Variants in SLCO1B1 observed in about 807,000 individuals in gnomAD.
The protein encoded by SLCO1B1 is solute carrier organic anion transporter family member 1B1, also known as OATP-2.
Under a neutral mutation model 70.1 loss-of-function variants are expected in SLCO1B1, and 81 were observed. The ratio of observed to expected loss-of-function variants is 1.16; its 90% CI spans 0.97 to 1.39. The LOEUF (loss-of-function observed/expected upper bound fraction) is 1.39. Ranked by LOEUF, SLCO1B1 falls within the 40% of genes most tolerant of loss-of-function variation. SLCO1B1 has a pLI of 0.00. For synonymous variants in SLCO1B1, 283 were observed against 271.5 expected (o/e 1.04, Z -0.42); for missense variants, 895 against 799.6 (o/e 1.12, Z -1.44).
chr12:21,146,764 T>G (rs1013240128), intron 2 of SLCO1B1, among the ~76,000 whole-genome samples: 1 of 152,326 alleles, frequency 6.6e-6, no homozygotes. Context: ...TTCTGTTATA[T>G]TCTAGCTTAA....
chr12:21,207,091 T>A (rs537796302), intron 11 of SLCO1B1, among the ~76,000 whole-genome samples: 42 of 152,132 alleles, frequency 2.8e-4, no homozygotes, highest in African/African-American at 9.9e-4. Flanking sequence ...TGCAGTTGTT[T>A]CCTTTTCCTT....
intron 2 of SLCO1B1, among the ~76,000 whole-genome samples, chr12:21,157,372 G>C (rs2121070946): frequency 6.6e-6 from 1 of 152,058 alleles, no homozygotes; most frequent in South Asian, 2.1e-4. Flanking sequence ...GAAATAAAGA[G>C]AGCCTACTCT....
chr12:21,187,200 A>C (rs1436174364), intron 7 of SLCO1B1, among the ~76,000 whole-genome samples: 1 of 152,136 alleles, frequency 6.6e-6, no homozygotes, highest in African/African-American at 2.4e-5. Flanking sequence ...TTCTGTACAA[A>C]TAAGGTCAGG....
At chr12:21,178,303 C>T (rs113068377) in intron 5 of SLCO1B1, among the ~76,000 whole-genome samples, 75 of 152,188 alleles carry the variant, frequency 4.9e-4, no homozygotes, top group Non-Finnish European at 8.2e-4. Flanking sequence ...CTTCATCTTC[C>T]GCCATGATTG....
chr12:21,199,156 A>G (rs2121143625), intron 8 of SLCO1B1, among the ~76,000 whole-genome samples: 1 of 152,142 alleles, frequency 6.6e-6, no homozygotes, highest in South Asian at 2.1e-4. Flanking sequence ...ACTGTTTCGT[A>G]GCTGACATTA....
intron 2 of SLCO1B1, among the ~76,000 whole-genome samples, chr12:21,155,118 CTT>C (rs1409300400): frequency 1.3e-5 from 2 of 150,974 alleles, no homozygotes; most frequent in East Asian, 3.9e-4. Flanking sequence ...TTTTTTTAAT[CTT>C]AGTAAATTAT....
At chr12:21,162,413 T>TA (rs1161380420) in intron 2 of SLCO1B1, among the ~76,000 whole-genome samples, 2 of 152,190 alleles carry the variant, frequency 1.3e-5, no homozygotes, top group Admixed American at 6.6e-5. Flanking sequence ...TCCTTATTTT[T>TA]ATCACGTATT....
Position 21,217,314 on chromosome 12 carries a change from CTT to C in SLCO1B1, c.1682+14_1682+15del, listed in dbSNP as rs1252680033. ...CATGCTGATTGTTAAGTAAGTATGACTTTTAAAAACATTTTCATATGCATGAG... is the reference window on the plus strand; with the variant it reads ...CATGCTGATTGTTAAGTAAGTATGACTTAAAAACATTTTCATATGCATGAG... On this transcript the variant is annotated intron_variant, in intron 12 of 14. Transcript: ENST00000256958. 2 of 1,608,784 alleles carry C rather than the reference CTT, an allele frequency of 1.2e-6. No homozygotes were observed. Among genetic ancestry groups the C allele is most frequent in the Non-Finnish European group, 8.5e-7 (1 of 1,175,454 alleles).
chr12:21,200,896 AT>A (rs1180040688), intron 9 of SLCO1B1, among the ~76,000 whole-genome samples: 2 of 152,120 alleles, frequency 1.3e-5, no homozygotes, highest in East Asian at 3.8e-4. Flanking sequence ...CCTGAAAAAA[AT>A]GTTGCAAATA....
At chr12:21,232,212 A>G (rs570153792) in intron 14 of SLCO1B1, among the ~76,000 whole-genome samples, 1 of 152,316 alleles carries the variant, frequency 6.6e-6, no homozygotes, top group South Asian at 2.1e-4. Flanking sequence ...TGAAAAGACA[A>G]ACTCTTAGCT....
In SLCO1B1 at chr12:21,199,043, T is replaced by C. The variant is rs12424765; in HGVS notation, c.971-1465T>C. On this transcript the variant is annotated intron_variant, in intron 8 of 14. Transcript: ENST00000256958. ...AAATGTGGCACTTTTGCCCAAGAAT[T>C]TTAAATGTTGTTTATTCCCACTATA... Among the ~76,000 whole-genome samples the C allele has an allele frequency of 9.0e-3, 1,371 of 152,230 alleles. 46 individuals carry two copies. The highest frequency in any genetic ancestry group is 0.06 in the Admixed American group (918 of 15,260).
intron 11 of SLCO1B1, among the ~76,000 whole-genome samples, chr12:21,215,137 G>T (rs184437009): frequency 6.6e-6 from 1 of 152,266 alleles, no homozygotes; most frequent in East Asian, 1.9e-4. Flanking sequence ...GAGAGATAAT[G>T]TGAGTTCATT....
intron 1 of SLCO1B1, among the ~76,000 whole-genome samples, chr12:21,134,412 C>A (rs1346567399): frequency 6.6e-6 from 1 of 152,148 alleles, no homozygotes; most frequent in Admixed American, 6.5e-5. Flanking sequence ...GTATTGGTAC[C>A]AGTTCCTCCT....
intron 2 of SLCO1B1, among the ~76,000 whole-genome samples, chr12:21,164,481 T>G (rs888451968): frequency 9.9e-5 from 15 of 152,154 alleles, no homozygotes; most frequent in Non-Finnish European, 2.2e-4. Context: ...TCTACTCTTT[T>G]TTATTTTCTG....
chr12:21,224,651 A>G, intron 13 of SLCO1B1, 71 bp from the exon 14 acceptor site: 1 of 923,904 alleles, frequency 1.1e-6, no homozygotes, highest in East Asian at 2.4e-5. Flanking sequence ...AAAATATATC[A>G]ATGTGGAATA....
chr12:21,141,423 T>C (rs927616636), intron 1 of SLCO1B1, 91 bp from the exon 2 acceptor site: 7 of 530,914 alleles, frequency 1.3e-5, no homozygotes, highest in Admixed American at 7.8e-5. Context: ...TAGTGAATGG[T>C]TGATTGATTG....
intron 2 of SLCO1B1, among the ~76,000 whole-genome samples, chr12:21,157,647 G>A (rs1301268451): frequency 2.0e-5 from 3 of 149,714 alleles, no homozygotes; most frequent in Non-Finnish European, 4.4e-5. Flanking sequence ...TGTCACCCAG[G>A]CTGGAGTGCA....
intron 4 of SLCO1B1, among the ~76,000 whole-genome samples, chr12:21,175,057 T>G (rs144019289): frequency 1.2e-3 from 182 of 152,288 alleles, no homozygotes; most frequent in African/African-American, 4.2e-3. Flanking sequence ...TGAAGTATAG[T>G]TGTTCCCATC....
At position 21,200,097 on chromosome 12, in the gene SLCO1B1, G is replaced by A. The variant is rs115769884; in HGVS notation, c.971-411G>A. ...ATTACAGGAGTGAGCCACTGTGCCC[G>A]GCCTTCACTTTTGTTTTTTGAACAA... On this transcript the variant is annotated intron_variant, in intron 8 of 14. Coordinates refer to ENST00000256958, the MANE Select transcript of SLCO1B1 (RefSeq NM_006446.5). Among the ~76,000 whole-genome samples the A allele has an allele frequency of 9.0e-3, 1,366 of 152,174 alleles. 25 individuals carry two copies. Among genetic ancestry groups the A allele is most frequent in the African/African-American group, 0.031 (1,307 of 41,506 alleles).
Sources: allele counts gnomAD v4.1 joint callset (sites outside exome capture counted in the v4.1 genomes callset), GRCh38; gene constraint gnomAD v4.1.1; transcripts MANE v1.5; gene names NCBI Gene and HGNC (gene_info 2026-07-23, HGNC 2026-07-21).